NDOR1: variants seen among roughly 807,000 people sequenced by gnomAD.
NDOR1 encodes the protein NADPH-dependent diflavin oxidoreductase 1.
NDOR1 carries 61 observed loss-of-function variants against 67.2 expected under a neutral mutation model. The observed-to-expected ratio is 0.91, with a 90% confidence interval of 0.74 to 1.12. The LOEUF (loss-of-function observed/expected upper bound fraction) is 1.12, where lower values mean the gene tolerates loss of function less well. Among genes scored for constraint, NDOR1 ranks in the 50% most tolerant of loss-of-function variants. NDOR1 has a pLI of 0.00. For synonymous variants in NDOR1, 378 were observed against 343.7 expected, an observed-to-expected ratio of 1.10 and a Z score of -1.10; for missense variants, 878 against 802.8, an observed-to-expected ratio of 1.09 and a Z score of -1.13.
chr9:137,215,629 C>G (rs756630678), intron 10 of NDOR1, 30 bp from the exon 11 acceptor site: 1 of 1,581,924 alleles, frequency 6.3e-7, no homozygotes, highest in Non-Finnish European at 8.6e-7. Flanking sequence ...GGTCTTTGAT[C>G]CTCTTCATGC....
rs1835558850 is a variant in NDOR1 at position 137,215,924 on chromosome 9, C to T, written c.1461C>T (p.Arg487=). The change falls in exon 12 of 14, where the codon CGC becomes CGT. Residue 487 remains arginine, a synonymous_variant. Coordinates refer to ENST00000684003, the MANE Select transcript of NDOR1 (RefSeq NM_014434.4). The part of the protein sequence containing the change: ...QTGNFLFFGC[R]WRDQDFYWEA... ...GAAACTTCTTGTTTTTTGGCTGCCG[C>T]TGGCGGGACCAAGACTTCTACTGGG... 6.2e-7 allele frequency: 1 copy of T among 1,613,666 alleles called. No individual in the cohort carries two copies. Among genetic ancestry groups the T allele is most frequent in the Non-Finnish European group, 8.5e-7 (1 of 1,180,002 alleles).
rs1158288386 is a variant in NDOR1 at position 137,212,405 on chromosome 9, C to T, written c.214-97C>T. The stretch of plus-strand genomic sequence containing the variant: ...CCAGTTGTATTCTGCCCCCATCCTA[C>T]CCACCTGCCTGTTCCCCTGAGACCC... On this transcript the variant is annotated intron_variant, in intron 2 of 13. Coordinates refer to ENST00000684003, the MANE Select transcript of NDOR1 (RefSeq NM_014434.4). This position sits in a 1 kb window ranked among gnomAD's most constrained non-coding sequence, Gnocchi z 4.3. 1.9e-6 allele frequency: 2 copies of T among 1,065,998 alleles called. No individual in the cohort carries two copies. Among genetic ancestry groups the T allele is most frequent in the Non-Finnish European group, 2.9e-6 (2 of 692,206 alleles). The allele number at this position is 1,065,998 out of a possible 1,614,324, so 66.0% of individuals were successfully genotyped here.
At position 137,214,024 on chromosome 9, in the gene NDOR1, G is replaced by A. The variant is rs751396018; in HGVS notation, c.468G>A (p.Leu156=). 2 of 1,548,046 alleles carry A rather than the reference G, an allele frequency of 1.3e-6. No individual in the cohort carries two copies. Among genetic ancestry groups the A allele is most frequent in the East Asian group, 2.4e-5 (1 of 41,450 alleles). The change falls in exon 5 of 14, where the codon CTG becomes CTA. Residue 156 remains leucine, a synonymous_variant. Coordinates refer to ENST00000684003, the MANE Select transcript of NDOR1 (RefSeq NM_014434.4). ...LRDLWDRVLG[L]YPPPPGLTEI... ...ACTTGTGGGACAGGGTTCTGGGGCT[G>A]TACCCGCCGCCTCCGGGCCTCACTG...
intron 2 of NDOR1, among the ~76,000 whole-genome samples, chr9:137,208,157 AAAAG>A (rs1467193559): frequency 4.8e-5 from 7 of 144,934 alleles, no homozygotes; most frequent in Admixed American, 6.9e-5. Flanking sequence ...AAAAAAAAAA[AAAAG>A]AAAAAGAGCC....
Position 137,217,664 on chromosome 9 carries a change from T to A in NDOR1, c.*1248T>A. ...TGCTGGGGCCCCAGTCAAGTCCACT[T>A]CCAGTGAGGAGAGCCAGCCGGGAGG... On this transcript the variant is annotated 3_prime_UTR_variant, in exon 14 of 14. Coordinates refer to ENST00000684003, the MANE Select transcript of NDOR1 (RefSeq NM_014434.4). 3.9e-6 allele frequency: 1 copy of A among 258,318 alleles called. No individual in the cohort carries two copies. Among genetic ancestry groups the A allele is most frequent in the Non-Finnish European group, 7.3e-6 (1 of 137,002 alleles). The allele number at this position is 258,318 out of a possible 1,614,324, so 16.0% of individuals were successfully genotyped here. A position where few individuals can be genotyped will look rare whatever the true frequency, so the allele number is the denominator to read the frequency against.
In NDOR1 at chr9:137,213,834, C is replaced by T. The variant is rs908822979; in HGVS notation, c.366C>T (p.Ser122=). ...LHRRLLQLGG[S]ALLPVCLGDD... Reference sequence around the variant, plus strand: ...GACGGCTACTGCAGCTTGGGGGCAGCGCCCTCCTGCCCGTGTGCCTGGGCG... The same window carrying T: ...GACGGCTACTGCAGCTTGGGGGCAGTGCCCTCCTGCCCGTGTGCCTGGGCG... Residue 122 remains serine, a synonymous_variant, in exon 4 of 14, where the codon AGC becomes AGT. Coordinates refer to ENST00000684003, the MANE Select transcript of NDOR1 (RefSeq NM_014434.4). The T allele has an allele frequency of 1.2e-5, 20 of 1,612,024 alleles. No homozygotes were observed. Among genetic ancestry groups the T allele is most frequent in the South Asian group, 3.3e-5 (3 of 90,996 alleles).
intron 3 of NDOR1, 46 bp from the exon 4 acceptor site, chr9:137,213,734 T>C: frequency 5.1e-6 from 8 of 1,582,784 alleles, no homozygotes; most frequent in Non-Finnish European, 6.9e-6. Context: ...TGGGCACCAC[T>C]CTCCGCCCGG....
chr9:137,208,402 G>T (rs1280277802), intron 2 of NDOR1, among the ~76,000 whole-genome samples: 1 of 152,036 alleles, frequency 6.6e-6, no homozygotes, highest in Non-Finnish European at 1.5e-5. Context: ...AGTGAGCCGA[G>T]ATCGCGCCAC....
rs199975136 is a variant in NDOR1, at chr9:137,215,203, G to A, written c.1173+1G>A. Reference sequence around the variant, plus strand: ...CTTCTCCATCGCCTCCTCGCTGCTGGTGAGGGGCCTGGTGGTTGGAGCCCA... The same window carrying A: ...CTTCTCCATCGCCTCCTCGCTGCTGATGAGGGGCCTGGTGGTTGGAGCCCA... On this transcript the variant is annotated splice_donor_variant, in intron 9 of 13. Coordinates refer to ENST00000684003, the MANE Select transcript of NDOR1 (RefSeq NM_014434.4). LOFTEE classifies it high-confidence loss of function. 1 of 1,610,076 alleles carries A rather than the reference G, an allele frequency of 6.2e-7. No individual in the cohort carries two copies. The highest frequency in any genetic ancestry group is 1.1e-5 in the South Asian group (1 of 90,716).
chr9:137,216,029 C>T lies in NDOR1; in HGVS notation c.1554+12C>T. ...TCTCCCGGGAACAGGTGTGTATGCT[C>T]AGGGGCTGGGAAAGGAGGGGAGGGA... On this transcript the variant is annotated intron_variant, in intron 12 of 13. Coordinates refer to ENST00000684003, the MANE Select transcript of NDOR1 (RefSeq NM_014434.4). The T allele has an allele frequency of 6.2e-7, 1 of 1,613,572 alleles. No individual in the cohort carries two copies. Among genetic ancestry groups the T allele is most frequent in the Non-Finnish European group, 8.5e-7 (1 of 1,179,974 alleles).
At chr9:137,209,293 G>A (rs1007136862) in intron 2 of NDOR1, among the ~76,000 whole-genome samples, 4 of 152,168 alleles carry the variant, frequency 2.6e-5, no homozygotes, top group African/African-American at 9.7e-5. Context: ...AACATAGGTC[G>A]AGGGGTCTCA....
chr9:137,209,014 G>A (rs879463704), intron 2 of NDOR1, among the ~76,000 whole-genome samples: 2 of 152,098 alleles, frequency 1.3e-5, no homozygotes, highest in Admixed American at 1.3e-4. Context: ...CCAAGTAGAT[G>A]GGACTACAGG....
In NDOR1 at chr9:137,212,731, C is replaced by T. The variant is rs1159646665; in HGVS notation, c.311+132C>T. On this transcript the variant is annotated intron_variant, in intron 3 of 13. Transcript: ENST00000684003. This position sits in a 1 kb window ranked among gnomAD's most constrained non-coding sequence, Gnocchi z 4.3. ...CTCAGGGCCCTCGCAGTGGTACTGGCTTCTCCACAACGCTCCCTGGTGGGC... is the reference window on the plus strand; with the variant it reads ...CTCAGGGCCCTCGCAGTGGTACTGGTTTCTCCACAACGCTCCCTGGTGGGC... The T allele has an allele frequency of 3.8e-6, 3 of 784,436 alleles. No homozygotes were observed. The highest frequency in any genetic ancestry group is 3.4e-5 in the African/African-American group (2 of 59,126). The allele number at this position is 784,436 out of a possible 1,614,324, so 48.6% of individuals were successfully genotyped here. A position where few individuals can be genotyped will look rare whatever the true frequency, so the allele number is the denominator to read the frequency against.
At chr9:137,209,482 G>A (rs988063647) in intron 2 of NDOR1, among the ~76,000 whole-genome samples, 15 of 152,138 alleles carry the variant, frequency 9.9e-5, no homozygotes, top group African/African-American at 2.7e-4. Context: ...ACGAGGAAAC[G>A]AAGAGTCCCA....
At position 137,206,449 on chromosome 9, in the gene NDOR1, G is replaced by A. The variant is rs141333798; in HGVS notation, c.213+140G>A. The A allele has an allele frequency of 4.1e-3, 3,650 of 888,074 alleles. 77 individuals carry two copies. In the African/African-American group the frequency reaches 0.05, roughly 12 times the overall value. The allele number at this position is 888,074 out of a possible 1,614,324, so 55.0% of individuals were successfully genotyped here. ...GGTGGATTTGAGAGAACGTCCGTGA[G>A]TGGGGCTGGGGGCTCCGGTTGCCCT... On this transcript the variant is annotated intron_variant, in intron 2 of 13. Coordinates refer to ENST00000684003, the MANE Select transcript of NDOR1 (RefSeq NM_014434.4).
Position 137,215,217 on chromosome 9 carries a change from G to T in NDOR1, c.1173+15G>T. ...CCTCGCTGCTGGTGAGGGGCCTGGT[G>T]GTTGGAGCCCAGGACCGGCCCTGGG... On this transcript the variant is annotated intron_variant, in intron 9 of 13. Transcript: ENST00000684003. 6.2e-7 allele frequency: 1 copy of T among 1,606,640 alleles called. No individual in the cohort carries two copies. The highest frequency in any genetic ancestry group is 2.2e-5 in the East Asian group (1 of 44,738).
chr9:137,215,561 C>T (rs1402068682), intron 10 of NDOR1, 40 bp downstream of exon 10: 2 of 1,610,928 alleles, frequency 1.2e-6, no homozygotes, highest in East Asian at 2.2e-5. Flanking sequence ...GGGCCCATAT[C>T]CCCTTCTCTC....
rs1055316962 is a variant in NDOR1 at position 137,217,133 on chromosome 9, C to T, written c.*717C>T. On this transcript the variant is annotated 3_prime_UTR_variant, in exon 14 of 14. Transcript: ENST00000684003. ...GGGTGCTGGGTGCTGGATGGGTGGG[C>T]GTCCTCTAGCTCCTCCCGGTGCCCT... 1.6e-5 allele frequency: 3 copies of T among 189,464 alleles called. No individual in the cohort carries two copies. The highest frequency in any genetic ancestry group is 4.8e-5 in the African/African-American group (2 of 41,554). 11.7% of individuals were successfully genotyped at this position (189,464 alleles called of 1,614,324 possible).
At position 137,215,387 on chromosome 9, in the gene NDOR1, CA is replaced by C; in HGVS notation, c.1174-19del. ...GAGGGCAGCCTTGTTCCACCACCCCCACCCCGCCGTCCTCCCCAGACTCACC... is the reference window on the plus strand; with the variant it reads ...GAGGGCAGCCTTGTTCCACCACCCCCCCCCGCCGTCCTCCCCAGACTCACC... On this transcript the variant is annotated intron_variant, in intron 9 of 13. Transcript: ENST00000684003. 6.3e-7 allele frequency: 1 copy of C among 1,578,122 alleles called. No individual in the cohort carries two copies. The highest frequency in any genetic ancestry group is 8.7e-7 in the Non-Finnish European group (1 of 1,148,290).
Sources: gnomAD v4.1 joint callset for allele counts (sites outside exome capture counted in the v4.1 genomes callset) on GRCh38, gnomAD v4.1.1 for gene constraint, Gnocchi (gnomAD v3.1) non-coding constraint, MANE v1.5 for transcripts, NCBI Gene and HGNC (gene_info 2026-07-23, HGNC 2026-07-21) for gene names.